Variants in WIPF3 observed in about 807,000 individuals in gnomAD.
The protein encoded by WIPF3 is WAS/WASL-interacting protein family member 3.
WIPF3 carries 33 observed loss-of-function variants against 38.9 expected under a neutral mutation model. The observed-to-expected ratio is 0.85, with a 90% CI of 0.64 to 1.14. The LOEUF (loss-of-function observed/expected upper bound fraction) is 1.14, where lower values mean the gene tolerates loss of function less well. Among genes scored for constraint, WIPF3 ranks in the 50% most tolerant of loss-of-function variants. The probability of loss-of-function intolerance (pLI) is 0.00; values close to 1 mark genes in which losing one functional copy is unlikely to be tolerated. For synonymous variants in WIPF3, 324 were observed against 269.3 expected, an observed-to-expected ratio of 1.20 and a Z score of -1.99; for missense variants, 711 against 652.5, an observed-to-expected ratio of 1.09 and a Z score of -0.98.
intron 2 of WIPF3, among the ~76,000 whole-genome samples, chr7:29,856,873 T>G (rs1785194399): frequency 6.6e-6 from 1 of 152,172 alleles, no homozygotes; most frequent in Non-Finnish European, 1.5e-5. Context: ...CATATTTTAT[T>G]AGCAAATCTC....
At chr7:29,893,574 C>T (rs945802034) in intron 7 of WIPF3, among the ~76,000 whole-genome samples, 2 of 152,134 alleles carry the variant, frequency 1.3e-5, no homozygotes, top group Non-Finnish European at 2.9e-5. Flanking sequence ...TGGGACTTGA[C>T]TTTGGTGACC....
At chr7:29,914,160 TTTTCCACTGCC>T (rs1352761815) in intron 8 of WIPF3, among the ~76,000 whole-genome samples, 4 of 152,216 alleles carry the variant, frequency 2.6e-5, no homozygotes, top group African/African-American at 9.6e-5. Context: ...GGTTTCTTGC[TTTTCCACTGCC>T]TTAACTTGGG....
rs571577771 is a variant in WIPF3, at chr7:29,881,132, G to A, written c.355+1992G>A. ...TGCTCAGGTGGCAGCTGATCAAAGT[G>A]TCCGTGAGGTCTTCACTTATTATCC... On this transcript the variant is annotated intron_variant, in intron 4 of 8. Coordinates refer to ENST00000242140, the MANE Select transcript of WIPF3 (RefSeq NM_001080529.3). Among the ~76,000 whole-genome samples, 7 of 152,222 alleles carry A rather than the reference G, an allele frequency of 4.6e-5. No individual in the cohort carries two copies. The South Asian group carries it at 1.5e-3, about 32-fold the overall frequency.
intron 1 of WIPF3, among the ~76,000 whole-genome samples, chr7:29,831,454 T>C (rs1436839812): frequency 6.6e-6 from 1 of 152,244 alleles, no homozygotes; most frequent in East Asian, 1.9e-4. Context: ...ACCAGCCAGA[T>C]GGGCAACCCT....
rs1232148549 is a variant in WIPF3, at chr7:29,884,163, A to ACCACCTCCACCTCCG, written c.678_692dup (p.Pro228_Pro232dup). 2.7e-5 allele frequency: 35 copies of ACCACCTCCACCTCCG among 1,300,362 alleles called. No individual in the cohort carries two copies. Among genetic ancestry groups the ACCACCTCCACCTCCG allele is most frequent in the Non-Finnish European group, 3.4e-5 (34 of 1,012,368 alleles). 80.6% of individuals were successfully genotyped at this position (1,300,362 alleles called of 1,614,324 possible). Reference sequence around the variant, plus strand: ...TTGCACCCCCCGTCCCCTGTGCGCCACCACCTCCACCTCCGCCACCTCCCC... The same window carrying ACCACCTCCACCTCCG: ...TTGCACCCCCCGTCCCCTGTGCGCCACCACCTCCACCTCCGCCACCTCCACCTCCGCCACCTCCCC... On this transcript the variant is annotated inframe_insertion, in exon 5 of 9. Transcript: ENST00000242140.
intron 2 of WIPF3, among the ~76,000 whole-genome samples, chr7:29,848,622 T>C (rs1785041160): frequency 6.6e-6 from 1 of 152,224 alleles, no homozygotes; most frequent in Non-Finnish European, 1.5e-5. Context: ...GATGGGATAT[T>C]GGTTTATATA....
chr7:29,849,673 G>A (rs1324974412), intron 2 of WIPF3, among the ~76,000 whole-genome samples: 1 of 152,156 alleles, frequency 6.6e-6, no homozygotes, highest in Non-Finnish European at 1.5e-5. Context: ...TCTGGTCATG[G>A]AGATAGCATA....
chr7:29,815,518 G>A (rs1432018838), intron 1 of WIPF3, among the ~76,000 whole-genome samples: 2 of 152,092 alleles, frequency 1.3e-5, no homozygotes, highest in Admixed American at 6.5e-5. Flanking sequence ...GACAGTATCC[G>A]TATGAATTAC....
chr7:29,883,745 G>T, intron 4 of WIPF3, 105 bp from the exon 5 acceptor site: 1 of 1,448,602 alleles, frequency 6.9e-7, no homozygotes, highest in South Asian at 1.5e-5. Context: ...GCGGTCTACA[G>T]TGCAGCTCAC....
intron 2 of WIPF3, among the ~76,000 whole-genome samples, chr7:29,873,839 T>G (rs1785539201): frequency 6.6e-6 from 1 of 152,198 alleles, no homozygotes; most frequent in Non-Finnish European, 1.5e-5. Flanking sequence ...AGTGAAAATG[T>G]GGACTCAACA....
chr7:29,913,180 C>G (rs1014895980), intron 8 of WIPF3, among the ~76,000 whole-genome samples: 13 of 152,072 alleles, frequency 8.5e-5, no homozygotes, highest in African/African-American at 3.1e-4. Flanking sequence ...AACCCCATCT[C>G]TACTAAAAAT....
intron 2 of WIPF3, among the ~76,000 whole-genome samples, chr7:29,861,312 T>C (rs1478215948): frequency 1.3e-5 from 2 of 152,166 alleles, no homozygotes; most frequent in Non-Finnish European, 2.9e-5. Context: ...AATCATGATA[T>C]GGAAGCACTC....
chr7:29,872,002 A>G (rs1224942880), intron 2 of WIPF3, among the ~76,000 whole-genome samples: 1 of 152,202 alleles, frequency 6.6e-6, no homozygotes, highest in Non-Finnish European at 1.5e-5. Flanking sequence ...CTCAAGCACC[A>G]TGTTAATGAG....
chr7:29,846,281 C>T (rs927369160), intron 2 of WIPF3, among the ~76,000 whole-genome samples: 9 of 152,196 alleles, frequency 5.9e-5, no homozygotes, highest in African/African-American at 1.9e-4. Flanking sequence ...AGGAACACAG[C>T]GTACCCACTT....
intron 7 of WIPF3, among the ~76,000 whole-genome samples, chr7:29,901,849 AG>A (rs1341733189): frequency 1.8e-3 from 52 of 28,850 alleles, no homozygotes; most frequent in South Asian, 8.8e-3. Context: ...AAAAAAAAAA[AG>A]AAAGAAAGAA....
intron 1 of WIPF3, among the ~76,000 whole-genome samples, chr7:29,810,588 C>T (rs1784357382): frequency 6.6e-6 from 1 of 152,160 alleles, no homozygotes; most frequent in South Asian, 2.1e-4. Context: ...GTCTCATTCC[C>T]TTTTGTTAAT....
chr7:29,845,051 G>A (rs1447247130), intron 2 of WIPF3, among the ~76,000 whole-genome samples: 5 of 145,546 alleles, frequency 3.4e-5, no homozygotes, highest in African/African-American at 1.3e-4. Context: ...TTTTCTGTGT[G>A]GTTCCATTGT....
In WIPF3 at chr7:29,898,662, C is replaced by T. The variant is rs548443247; in HGVS notation, c.1352-5624C>T. Among the ~76,000 whole-genome samples, 26 of 152,262 alleles carry T rather than the reference C, an allele frequency of 1.7e-4. 1 individual carries two copies. The highest frequency in any genetic ancestry group is 1.5e-3 in the Admixed American group (23 of 15,294). On this transcript the variant is annotated intron_variant, in intron 7 of 8. Transcript: ENST00000242140. Reference sequence around the variant, plus strand: ...AACACCTGCAATTTCCAGAACATTCCAAGTACACATTTGTTCCTGGGCTCT... The same window carrying T: ...AACACCTGCAATTTCCAGAACATTCTAAGTACACATTTGTTCCTGGGCTCT...
At chr7:29,811,254 TATGATGATGATGATG>T (rs60111327) in intron 1 of WIPF3, among the ~76,000 whole-genome samples, 1 of 148,976 alleles carries the variant, frequency 6.7e-6, no homozygotes, top group Non-Finnish European at 1.5e-5. Flanking sequence ...AATTAGCCAT[TATGATGATGATGATG>T]ATGATGATGA....
Sources: gnomAD v4.1 joint callset for allele counts (sites outside exome capture counted in the v4.1 genomes callset) on GRCh38, gnomAD v4.1.1 for gene constraint, MANE v1.5 for transcripts, NCBI Gene and HGNC (gene_info 2026-07-23, HGNC 2026-07-21) for gene names.